FECH: variants seen among roughly 807,000 people sequenced by gnomAD.
FECH encodes the protein ferrochelatase, mitochondrial.
A neutral mutation model predicts 56.9 loss-of-function variants in FECH; 40 were observed. The ratio of observed to expected loss-of-function variants is 0.70; its 90% CI spans 0.55 to 0.92. The LOEUF is 0.92. FECH is among the 40% of genes least tolerant of loss of function. FECH has a pLI of 0.00. For missense variants in FECH, 431 were observed against 529.1 expected (o/e 0.81, Z 1.82); for synonymous variants, 175 against 198.6 (o/e 0.88, Z 1.00).
intron 2 of FECH, among the ~76,000 whole-genome samples, chr18:57,576,407 T>C (rs1449580611): frequency 6.6e-6 from 1 of 152,246 alleles, no homozygotes; most frequent in Non-Finnish European, 1.5e-5. Context: ...GTGAAACTAA[T>C]ATTCGTTTAA....
chr18:57,563,076 T>A (rs2050967073), intron 5 of FECH, 96 bp from the exon 6 acceptor site: 1 of 934,320 alleles, frequency 1.1e-6, no homozygotes, highest in Admixed American at 2.0e-5. Context: ...TCAAAGCAGG[T>A]AACTGCTTCT....
chr18:57,562,800 C>T, intron 6 of FECH, 74 bp downstream of exon 6: 1 of 1,199,060 alleles, frequency 8.3e-7, no homozygotes, highest in Non-Finnish European at 1.2e-6. Context: ...AGGACATCCA[C>T]AAACCCAGAA....
intron 9 of FECH, 106 bp from the exon 10 acceptor site, chr18:57,551,480 C>T: frequency 1.2e-6 from 1 of 854,700 alleles, no homozygotes; most frequent in South Asian, 1.4e-5. Context: ...TACACACACA[C>T]AATTCAAAGT....
In FECH at chr18:57,545,826, A is replaced by C. The variant is rs7238897; in HGVS notation, c.*4886T>G. On this transcript the variant is annotated 3_prime_UTR_variant, in exon 11 of 11. Coordinates refer to ENST00000262093, the MANE Select transcript of FECH (RefSeq NM_000140.5). ...TCTAGCTGGAGAAAATTGACAAAAA[A>C]AATAGAAAGTTTGTAAAATGATCAA... is the stretch of plus-strand genomic sequence containing the variant. Among the ~76,000 whole-genome samples, 40,153 of 152,012 alleles carry C rather than the reference A, an allele frequency of 0.26. 5,767 individuals carry two copies. The highest frequency in any genetic ancestry group is 0.3 in the Middle Eastern group (88 of 294).
In FECH at chr18:57,575,078, T is replaced by C. The variant is rs1334704919; in HGVS notation, c.195-1713A>G. ...GACACTTCATAGAAATGGAATCACA[T>C]GATTGTGTCTGGTTTTACTCAGCAT... is the stretch of plus-strand genomic sequence containing the variant. On this transcript the variant is annotated intron_variant, in intron 2 of 10. Coordinates refer to ENST00000262093, the MANE Select transcript of FECH (RefSeq NM_000140.5). Among the ~76,000 whole-genome samples the C allele has an allele frequency of 2.0e-5, 3 of 152,164 alleles. No homozygotes were observed. The East Asian group carries it at 5.8e-4, about 29-fold the overall frequency.
chr18:57,558,061 G>A (rs1470019054), intron 7 of FECH, among the ~76,000 whole-genome samples: 4 of 152,210 alleles, frequency 2.6e-5, no homozygotes, highest in African/African-American at 9.6e-5. Context: ...CTTGGCCCTA[G>A]TAGCCACCAG....
intron 9 of FECH, among the ~76,000 whole-genome samples, chr18:57,551,982 C>G (rs1428222337): frequency 6.6e-6 from 1 of 151,168 alleles, no homozygotes; most frequent in East Asian, 1.9e-4. Context: ...GTCCCGGGTT[C>G]AAGGGATCAT....
At chr18:57,582,646 G>A (rs1408402390) in intron 1 of FECH, among the ~76,000 whole-genome samples, 1 of 151,906 alleles carries the variant, frequency 6.6e-6, no homozygotes, top group South Asian at 2.1e-4. Context: ...GGGCGCGGTG[G>A]TTCATGCCTG....
chr18:57,583,404 A>G (rs1277781913), intron 1 of FECH, among the ~76,000 whole-genome samples: 1 of 152,238 alleles, frequency 6.6e-6, no homozygotes, highest in Non-Finnish European at 1.5e-5. Flanking sequence ...AAGAGGCTGT[A>G]TGGCTGGGCC....
rs577947755 is a variant in FECH at position 57,573,269 on chromosome 18, G to T, written c.291C>A (p.Asp97Glu). The T allele has an allele frequency of 1.3e-5, 21 of 1,613,600 alleles. No homozygotes were observed. The highest frequency in any genetic ancestry group is 1.6e-5 in the Non-Finnish European group (19 of 1,179,632). ...ACTTCTGAATAGGAAGTGTCATGAG[G>T]TCTCGGTCCAAGAAGAGTCTCAGAA... ...DFLLRLFLDR[D>E]LMTLPIQNKL... The change falls in exon 3 of 11, where the codon GAC (aspartate) becomes GAA (glutamate). Residue 97 changes from aspartate (D) to glutamate (E), a missense_variant. Transcript: ENST00000262093.
rs1048499718 is a variant in FECH at position 57,545,911 on chromosome 18, A to C, written c.*4801T>G. ...ATCTAACATACAGCATGGCGAATGT[A>C]GTTAATAATACTTCAAGTACTGTAG... is the stretch of plus-strand genomic sequence containing the variant. On this transcript the variant is annotated 3_prime_UTR_variant, in exon 11 of 11. Coordinates refer to ENST00000262093, the MANE Select transcript of FECH (RefSeq NM_000140.5). Among the ~76,000 whole-genome samples, 8 of 152,240 alleles carry C rather than the reference A, an allele frequency of 5.3e-5. No individual in the cohort carries two copies. The highest frequency in any genetic ancestry group is 1.9e-4 in the African/African-American group (8 of 41,476).
intron 9 of FECH, 63 bp downstream of exon 9, chr18:57,554,197 T>C (rs145747708): frequency 3.2e-6 from 5 of 1,562,162 alleles, no homozygotes; most frequent in Middle Eastern, 1.7e-4. Context: ...CATTAGTTAG[T>C]TGCAGAAAAA....
At position 57,550,530 on chromosome 18, in the gene FECH, T is replaced by C. The variant is rs892733581; in HGVS notation, c.*182A>G. 1.1e-5 allele frequency: 7 copies of C among 647,624 alleles called. No individual in the cohort carries two copies. The highest frequency in any genetic ancestry group is 7.3e-5 in the African/African-American group (4 of 54,704). 40.1% of individuals were successfully genotyped at this position (647,624 alleles called of 1,614,324 possible). A position where few individuals can be genotyped will look rare whatever the true frequency, so the allele number is the denominator to read the frequency against. On this transcript the variant is annotated 3_prime_UTR_variant, in exon 11 of 11. Transcript: ENST00000262093. ...AATACAAATGCTTACTGTATAGTTA[T>C]ATAAAAATAGAAATCCATCAAGAGT...
chr18:57,550,910 C>G, intron 10 of FECH, 64 bp from the exon 11 acceptor site: 1 of 1,605,936 alleles, frequency 6.2e-7, no homozygotes, highest in Non-Finnish European at 8.5e-7. Flanking sequence ...TGCCATGCCC[C>G]CTCCTCCAGC....
rs2050785006 is a variant in FECH, at chr18:57,550,660, G to A, written c.*52C>T. The A allele has an allele frequency of 6.2e-7, 1 of 1,609,598 alleles. No individual in the cohort carries two copies. The highest frequency in any genetic ancestry group is 1.1e-5 in the South Asian group (1 of 90,844). ...TAAATAACACCCTCTCCACATCGGA[G>A]GTATCTGGAGGTTGGGCATTTGCCT... On this transcript the variant is annotated 3_prime_UTR_variant, in exon 11 of 11. Transcript: ENST00000262093.
intron 10 of FECH, 197 bp downstream of exon 10, chr18:57,551,118 A>G (rs1483808614): frequency 1.6e-6 from 1 of 639,002 alleles, no homozygotes; most frequent in East Asian, 2.7e-5. Flanking sequence ...AGACATAGTT[A>G]TAGGTGGGTA....
intron 2 of FECH, among the ~76,000 whole-genome samples, chr18:57,575,668 C>A (rs907585304): frequency 3.9e-5 from 6 of 152,312 alleles, no homozygotes; most frequent in Middle Eastern, 3.4e-3. Flanking sequence ...GTCTCAAACT[C>A]CTGGCTCAGG....
chr18:57,562,050 GAC>G (rs2050951383), intron 6 of FECH, among the ~76,000 whole-genome samples: 1 of 152,208 alleles, frequency 6.6e-6, no homozygotes, highest in African/African-American at 2.4e-5. Context: ...AGATTTAAAT[GAC>G]ACCAGGCTTC....
At chr18:57,553,548 A>G (rs1051091995) in intron 9 of FECH, among the ~76,000 whole-genome samples, 8 of 152,210 alleles carry the variant, frequency 5.3e-5, no homozygotes, top group Non-Finnish European at 1.2e-4. Context: ...CTTCCCATAA[A>G]AATAAAGCTA....
Sources: allele counts gnomAD v4.1 joint callset (sites outside exome capture counted in the v4.1 genomes callset), GRCh38; gene constraint gnomAD v4.1.1; transcripts MANE v1.5; gene names NCBI Gene and HGNC (gene_info 2026-07-23, HGNC 2026-07-21).